Variants in ERC1 observed in about 807,000 individuals in gnomAD.
The protein encoded by ERC1 is RAB6 interacting protein 2.
A neutral mutation model predicts 132.0 loss-of-function variants in ERC1; 56 were observed. The ratio of observed to expected loss-of-function variants is 0.42; its 90% CI spans 0.34 to 0.53. The LOEUF (loss-of-function observed/expected upper bound fraction) is 0.53, where lower values mean the gene tolerates loss of function less well. Among genes scored for constraint, ERC1 ranks in the 20% least tolerant of loss-of-function variants. ERC1 has a pLI of 0.03. For synonymous variants in ERC1, 478 were observed against 476.1 expected, an observed-to-expected ratio of 1.00 and a Z score of -0.05; for missense variants, 1,202 against 1,349.9, an observed-to-expected ratio of 0.89 and a Z score of 1.72.
chr12:1,027,190 C>G (rs910023564), intron 1 of ERC1, among the ~76,000 whole-genome samples: 3 of 152,094 alleles, frequency 2.0e-5, no homozygotes, highest in Non-Finnish European at 4.4e-5. Context: ...TTAAAAACTG[C>G]ATTTTCTAGT....
In ERC1 at chr12:1,487,952, C is replaced by CA. The variant is rs568968553; in HGVS notation, c.3214-2140dup. ...AGGAGATCTAGACCATTCTGGCTAA[C>CA]ACGGTGAAGCCCTGTCTCTACTAAA... On this transcript the variant is annotated intron_variant, in intron 18 of 18. Transcript: ENST00000360905. 3.8e-3 allele frequency among the ~76,000 whole-genome samples: 578 copies of CA among 151,642 alleles called. 6 individuals carry two copies. Among genetic ancestry groups the CA allele is most frequent in the Middle Eastern group, 0.028 (8 of 288 alleles).
At chr12:1,269,883 A>C (rs556039155) in intron 14 of ERC1, among the ~76,000 whole-genome samples, 1 of 152,148 alleles carries the variant, frequency 6.6e-6, no homozygotes, top group African/African-American at 2.4e-5. Context: ...ACTATCCTCT[A>C]TTCCTCAGAG....
At chr12:1,357,387 TG>T (rs1042178556) in intron 15 of ERC1, among the ~76,000 whole-genome samples, 7 of 152,170 alleles carry the variant, frequency 4.6e-5, no homozygotes, top group Admixed American at 1.3e-4. Context: ...CATCTAAAAC[TG>T]GGAAAGGTTA....
At chr12:1,192,716 TAC>T (rs1434535775) in intron 12 of ERC1, among the ~76,000 whole-genome samples, 2 of 152,208 alleles carry the variant, frequency 1.3e-5, no homozygotes, top group Non-Finnish European at 2.9e-5. Flanking sequence ...TAAGTAAGGT[TAC>T]AGTCTTATAC....
intron 16 of ERC1, among the ~76,000 whole-genome samples, chr12:1,382,784 C>CT (rs2088836296): frequency 6.6e-6 from 1 of 152,120 alleles, no homozygotes; most frequent in Non-Finnish European, 1.5e-5. Flanking sequence ...TTGTTTAACT[C>CT]TGTCTATAGA....
At chr12:1,375,235 G>A (rs2087746819) in intron 16 of ERC1, among the ~76,000 whole-genome samples, 1 of 152,196 alleles carries the variant, frequency 6.6e-6, no homozygotes, top group Admixed American at 6.5e-5. Flanking sequence ...GGCGGAAGGT[G>A]AAGGGGAAGC....
chr12:1,334,563 G>A (rs953078966), intron 15 of ERC1, among the ~76,000 whole-genome samples: 1 of 151,976 alleles, frequency 6.6e-6, no homozygotes, highest in African/African-American at 2.4e-5. Context: ...ACCTTATTTT[G>A]GGGCTCTCTC....
chr12:1,256,159 T>C (rs1258267243), intron 13 of ERC1, among the ~76,000 whole-genome samples: 1 of 152,112 alleles, frequency 6.6e-6, no homozygotes, highest in African/African-American at 2.4e-5. Context: ...GTCAGATGGA[T>C]AGATTGCAAA....
intron 16 of ERC1, among the ~76,000 whole-genome samples, chr12:1,388,709 T>G (rs1462866520): frequency 6.6e-6 from 1 of 152,044 alleles, no homozygotes; most frequent in Non-Finnish European, 1.5e-5. Flanking sequence ...GAGCCTGGAG[T>G]AAGAAGATGG....
chr12:1,219,635 C>CTCTTTTT (rs1555312681), intron 12 of ERC1, among the ~76,000 whole-genome samples: 1 of 140,744 alleles, frequency 7.1e-6, no homozygotes, highest in African/African-American at 2.7e-5. Context: ...ACTGAACTCT[C>CTCTTTTT]TTTTTTTTTT....
At chr12:1,143,089 G>A (rs1287575482) in intron 8 of ERC1, among the ~76,000 whole-genome samples, 7 of 152,106 alleles carry the variant, frequency 4.6e-5, no homozygotes, top group South Asian at 2.1e-4. Context: ...TAGTAGAAAC[G>A]GGGTTTTACC....
intron 15 of ERC1, among the ~76,000 whole-genome samples, chr12:1,362,354 CCA>C (rs1351304904): frequency 6.6e-6 from 1 of 152,144 alleles, no homozygotes; most frequent in Non-Finnish European, 1.5e-5. Flanking sequence ...TCTGCTCTGT[CCA>C]TCCGATCTTG....
intron 3 of ERC1, among the ~76,000 whole-genome samples, chr12:1,084,551 A>G (rs1416506738): frequency 1.3e-5 from 2 of 152,190 alleles, no homozygotes; most frequent in Non-Finnish European, 2.9e-5. Flanking sequence ...TTTTAAAAAC[A>G]TGATGTTATT....
chr12:1,063,057 C>T (rs1490325640), intron 2 of ERC1, among the ~76,000 whole-genome samples: 3 of 150,902 alleles, frequency 2.0e-5, no homozygotes, highest in East Asian at 3.9e-4. Context: ...TATCTTTTTC[C>T]ATTCCTTCAT....
At chr12:1,140,094 G>A (rs1053698341) in intron 7 of ERC1, among the ~76,000 whole-genome samples, 7 of 152,094 alleles carry the variant, frequency 4.6e-5, no homozygotes, top group Middle Eastern at 3.2e-3. Context: ...GAGACTGGTC[G>A]CGTAGAAGTA....
At chr12:1,138,448 T>G (rs1949567501) in intron 7 of ERC1, among the ~76,000 whole-genome samples, 1 of 148,428 alleles carries the variant, frequency 6.7e-6, no homozygotes, top group African/African-American at 2.5e-5. Context: ...TATAATGATG[T>G]TATTAAGTTC....
chr12:1,286,728 T>G (rs1184773139), intron 14 of ERC1, among the ~76,000 whole-genome samples: 2 of 152,194 alleles, frequency 1.3e-5, no homozygotes, highest in Non-Finnish European at 2.9e-5. Flanking sequence ...ACAGATTCAA[T>G]TTCCGTAATC....
At chr12:1,178,832 C>G (rs1407231428) in intron 8 of ERC1, among the ~76,000 whole-genome samples, 3 of 152,126 alleles carry the variant, frequency 2.0e-5, no homozygotes, top group Non-Finnish European at 4.4e-5. Context: ...CTCCATCATT[C>G]ATTTGTCTAC....
At chr12:1,182,140 G>A (rs1566170023) in intron 10 of ERC1, 75 bp downstream of exon 10, 3 of 1,391,160 alleles carry the variant, frequency 2.2e-6, no homozygotes, top group African/African-American at 1.5e-5. Context: ...TTTACATAAT[G>A]CATATAAAAA....
Sources: gnomAD v4.1 joint callset for allele counts (sites outside exome capture counted in the v4.1 genomes callset) on GRCh38, gnomAD v4.1.1 for gene constraint, MANE v1.5 for transcripts, NCBI Gene and HGNC (gene_info 2026-07-23, HGNC 2026-07-21) for gene names.